The following PPP4R4 variants were observed in gnomAD, a reference collection of about 807,000 sequenced individuals.
PPP4R4 encodes the protein serine/threonine-protein phosphatase 4 regulatory subunit 4.
PPP4R4 carries 70 observed loss-of-function variants against 121.8 expected under a neutral mutation model. The observed-to-expected ratio is 0.57, with a 90% CI of 0.47 to 0.70. The LOEUF is 0.70. Among genes scored for constraint, PPP4R4 ranks in the 30% least tolerant of loss-of-function variants. The pLI, the probability that PPP4R4 is intolerant of heterozygous loss-of-function variation, is 0.00. For synonymous variants in PPP4R4, 348 were observed against 355.7 expected, an observed-to-expected ratio of 0.98 and a Z score of 0.24; for missense variants, 875 against 1,033.6, an observed-to-expected ratio of 0.85 and a Z score of 2.10.
chr14:94,230,592 C>G lies in PPP4R4; in HGVS notation c.300C>G (p.Ala100=). The change falls in exon 4 of 25, where the codon GCC becomes GCG. Residue 100 remains alanine, a synonymous_variant. Coordinates refer to ENST00000304338, the MANE Select transcript of PPP4R4 (RefSeq NM_058237.2). ...LRRVLPKVRE[A]LHVAGVEMQL... is the part of the protein sequence containing the mutation. Reference sequence around the variant, plus strand: ...AACTCTTTCTGATTATACAGGAAGCCCTGCATGTTGCAGGAGTGGAAATGC... The same window carrying G: ...AACTCTTTCTGATTATACAGGAAGCGCTGCATGTTGCAGGAGTGGAAATGC... The G allele has an allele frequency of 6.2e-7, 1 of 1,611,056 alleles. No homozygotes were observed. Among genetic ancestry groups the G allele is most frequent in the African/African-American group, 1.3e-5 (1 of 74,942 alleles).
chr14:94,202,890 G>A (rs1890266132), intron 2 of PPP4R4, among the ~76,000 whole-genome samples: 1 of 151,992 alleles, frequency 6.6e-6, no homozygotes, highest in Non-Finnish European at 1.5e-5. Flanking sequence ...GGCTGAGGCA[G>A]GAGAATAGCT....
chr14:94,185,336 T>C (rs527680284), intron 2 of PPP4R4, among the ~76,000 whole-genome samples: 1 of 152,220 alleles, frequency 6.6e-6, no homozygotes, highest in East Asian at 1.9e-4. Flanking sequence ...CGAGACCCTG[T>C]CTCTACAAAA....
At position 94,245,499 on chromosome 14, in the gene PPP4R4, A is replaced by G. The variant is rs868321351; in HGVS notation, c.1345-88A>G. 15 of 606,190 alleles carry G rather than the reference A, an allele frequency of 2.5e-5. No individual in the cohort carries two copies. The African/African-American group carries it at 2.7e-4, about 11-fold the overall frequency. The allele number at this position is 606,190 out of a possible 1,614,324, so 37.6% of individuals were successfully genotyped here. A position where few individuals can be genotyped will look rare whatever the true frequency, so the allele number is the denominator to read the frequency against. On this transcript the variant is annotated intron_variant, in intron 12 of 24. Transcript: ENST00000304338. ...GTTATTTGGGGGAAAAAAAAAAACC[A>G]CTACTACTATATAGAAATTGACATG... is the stretch of plus-strand genomic sequence containing the variant.
chr14:94,218,989 T>G (rs925286709), intron 3 of PPP4R4, among the ~76,000 whole-genome samples: 3 of 152,032 alleles, frequency 2.0e-5, no homozygotes, highest in African/African-American at 7.2e-5. Flanking sequence ...AAGTAGCTTT[T>G]TAGATAAACA....
intron 3 of PPP4R4, among the ~76,000 whole-genome samples, chr14:94,212,665 TAA>T (rs1890804902): frequency 1.3e-5 from 2 of 152,172 alleles, no homozygotes; most frequent in African/African-American, 2.4e-5. Context: ...GTGATTTTAT[TAA>T]GTTTTAATTC....
At chr14:94,186,149 GTATT>G (rs1889269216) in intron 2 of PPP4R4, among the ~76,000 whole-genome samples, 1 of 152,002 alleles carries the variant, frequency 6.6e-6, no homozygotes, top group South Asian at 2.1e-4. Flanking sequence ...TAAATCACAT[GTATT>G]TAAACCATGT....
chr14:94,231,147 T>G (rs1170115558), intron 4 of PPP4R4, 95 bp from the exon 5 acceptor site: 3 of 894,368 alleles, frequency 3.4e-6, no homozygotes, highest in Non-Finnish European at 5.1e-6. Context: ...TATTTCCATT[T>G]TATCATTAAG....
At chr14:94,234,482 A>T in intron 6 of PPP4R4, 80 bp from the exon 7 acceptor site, 1 of 843,332 alleles carries the variant, frequency 1.2e-6, no homozygotes. Flanking sequence ...AAGGTGAGTT[A>T]AGATTTTAAT....
At chr14:94,174,732 C>G (rs975536560) in intron 1 of PPP4R4, 150 bp downstream of exon 1, 1 of 1,398,616 alleles carries the variant, frequency 7.1e-7, no homozygotes. Context: ...CTCCACCCCT[C>G]TTGCCGTGTC....
intron 9 of PPP4R4, 102 bp downstream of exon 9, chr14:94,240,897 C>G: frequency 1.5e-6 from 2 of 1,300,644 alleles, no homozygotes; most frequent in Non-Finnish European, 2.0e-6. Context: ...TAAAGCCTAA[C>G]TCTTAAGTAT....
chr14:94,230,882 C>A, intron 4 of PPP4R4, 148 bp downstream of exon 4: 1 of 882,364 alleles, frequency 1.1e-6, no homozygotes, highest in Non-Finnish European at 1.6e-6. Context: ...CTTAAAATAG[C>A]TATGGCTGTC....
chr14:94,176,031 A>C, intron 1 of PPP4R4, 23 bp from the exon 2 acceptor site: 1 of 1,585,950 alleles, frequency 6.3e-7, no homozygotes, highest in Middle Eastern at 1.7e-4. Context: ...GTGGTGCATA[A>C]ATGTGTATTT....
At chr14:94,250,119 A>T in intron 14 of PPP4R4, 53 bp from the exon 15 acceptor site, 1 of 1,224,444 alleles carries the variant, frequency 8.2e-7, no homozygotes, top group Non-Finnish European at 1.2e-6. Flanking sequence ...GGGTCAAATT[A>T]TCTAGACTAG....
At chr14:94,274,047 A>G (rs890497488) in intron 23 of PPP4R4, among the ~76,000 whole-genome samples, 4 of 152,092 alleles carry the variant, frequency 2.6e-5, no homozygotes, top group South Asian at 2.1e-4. Flanking sequence ...TCTACATTCT[A>G]TGACCACATG....
At chr14:94,247,513 C>T (rs889351311) in intron 14 of PPP4R4, among the ~76,000 whole-genome samples, 18 of 152,236 alleles carry the variant, frequency 1.2e-4, no homozygotes, top group African/African-American at 4.1e-4. Flanking sequence ...ATCAATCCTA[C>T]TGAAACTATT....
chr14:94,215,422 C>T (rs1890969131), intron 3 of PPP4R4, among the ~76,000 whole-genome samples: 1 of 152,114 alleles, frequency 6.6e-6, no homozygotes, highest in South Asian at 2.1e-4. Flanking sequence ...ATCTGTCTTC[C>T]TCACTGAAGA....
At chr14:94,220,783 G>A (rs1891343682) in intron 3 of PPP4R4, among the ~76,000 whole-genome samples, 1 of 152,138 alleles carries the variant, frequency 6.6e-6, no homozygotes, top group Admixed American at 6.5e-5. Flanking sequence ...TGGATCAGAA[G>A]ACTCAATATT....
chr14:94,264,741 C>A, intron 19 of PPP4R4, 137 bp from the exon 20 acceptor site: 1 of 676,326 alleles, frequency 1.5e-6, no homozygotes, highest in Non-Finnish European at 2.6e-6. Flanking sequence ...ATTCTTTAGA[C>A]ACTAACATTG....
At chr14:94,189,396 T>C (rs1205923880) in intron 2 of PPP4R4, among the ~76,000 whole-genome samples, 1 of 152,238 alleles carries the variant, frequency 6.6e-6, no homozygotes, top group East Asian at 1.9e-4. Flanking sequence ...CAGATTGATT[T>C]TGGATTGACT....
Sources: gnomAD v4.1 joint callset for allele counts (sites outside exome capture counted in the v4.1 genomes callset) on GRCh38, gnomAD v4.1.1 for gene constraint, MANE v1.5 for transcripts, NCBI Gene and HGNC (gene_info 2026-07-23, HGNC 2026-07-21) for gene names.